The following INO80 variants were observed in gnomAD, a reference collection of about 807,000 sequenced individuals.
The protein encoded by INO80 is INO80 complex ATPase subunit.
INO80 carries 20 observed loss-of-function variants against 203.4 expected under a neutral mutation model. The observed-to-expected ratio is 0.10, with a 90% CI of 0.07 to 0.14. The LOEUF (loss-of-function observed/expected upper bound fraction) is 0.14. INO80 is among the 10% of genes least tolerant of loss of function. INO80 has a pLI of 1.00. For synonymous variants in INO80, 726 were observed against 685.2 expected (o/e 1.06, Z -0.93); for missense variants, 1,419 against 1,914.4 (o/e 0.74, Z 4.83).
Position 41,038,280 on chromosome 15 carries a change from G to C in INO80, c.2907+6624C>G, listed in dbSNP as rs183081634. 1.7e-3 allele frequency among the ~76,000 whole-genome samples: 261 copies of C among 151,994 alleles called. 1 individual carries two copies. Among genetic ancestry groups the C allele is most frequent in the Non-Finnish European group, 2.3e-3 (154 of 67,966 alleles). Reference sequence around the variant, plus strand: ...CCACCTCAGCCTCCCAAAGTGCTGGGATTACAGGCATGAGCTACTGCACCC... The same window carrying C: ...CCACCTCAGCCTCCCAAAGTGCTGGCATTACAGGCATGAGCTACTGCACCC... On this transcript the variant is annotated intron_variant, in intron 24 of 35. Transcript: ENST00000648947.
chr15:41,008,224 TACACACACAC>T lies in INO80; in HGVS notation c.3403-2547_3403-2538del, dbSNP rs71104765. Among the ~76,000 whole-genome samples, 1,389 of 148,928 alleles carry T rather than the reference TACACACACAC, an allele frequency of 9.3e-3. 19 individuals are homozygous for T. The highest frequency in any genetic ancestry group is 0.032 in the African/African-American group (1,302 of 40,278). ...ATAAAGAATATGTGATATATATACATACACACACACACACACACACACACACACACGAATA... is the reference window on the plus strand; with the variant it reads ...ATAAAGAATATGTGATATATATACATACACACACACACACACACACGAATA... On this transcript the variant is annotated intron_variant, in intron 27 of 35. Coordinates refer to ENST00000648947, the MANE Select transcript of INO80 (RefSeq NM_017553.3).
intron 14 of INO80, among the ~76,000 whole-genome samples, chr15:41,061,852 T>C (rs932652410): frequency 1.9e-4 from 29 of 152,248 alleles, no homozygotes; most frequent in Admixed American, 1.8e-3. Context: ...GTGAACTAGA[T>C]GACAAGTCAG....
intron 16 of INO80, among the ~76,000 whole-genome samples, chr15:41,057,138 A>C (rs1017175159): frequency 6.6e-6 from 1 of 152,150 alleles, no homozygotes; most frequent in African/African-American, 2.4e-5. Flanking sequence ...ATGTAAAATG[A>C]ATCTTCATTG....
intron 29 of INO80, among the ~76,000 whole-genome samples, chr15:40,994,604 A>G (rs1398196454): frequency 6.6e-6 from 1 of 151,754 alleles, no homozygotes; most frequent in African/African-American, 2.4e-5. Flanking sequence ...TGACCTTGTG[A>G]TCCGCCTGCC....
rs568705946 is a variant in INO80, at chr15:41,100,247, T to C, written c.-43-3894A>G. Among the ~76,000 whole-genome samples, 12 of 152,200 alleles carry C rather than the reference T, an allele frequency of 7.9e-5. No homozygotes were observed. The East Asian group carries it at 2.1e-3, about 27-fold the overall frequency. On this transcript the variant is annotated intron_variant, in intron 1 of 35. Coordinates refer to ENST00000648947, the MANE Select transcript of INO80 (RefSeq NM_017553.3). ...CTGCCACCACGCCAGGCTAACTTTT[T>C]GTATTTTTAGTACAGACGGGGTTTC...
intron 24 of INO80, among the ~76,000 whole-genome samples, chr15:41,037,933 ACT>A (rs2044606085): frequency 6.9e-6 from 1 of 145,660 alleles, no homozygotes; most frequent in Admixed American, 6.8e-5. Context: ...ACAGAGTAAG[ACT>A]CTGTCTCAAA....
intron 24 of INO80, among the ~76,000 whole-genome samples, chr15:41,037,083 A>G (rs1482178008): frequency 6.6e-6 from 1 of 152,172 alleles, no homozygotes; most frequent in Non-Finnish European, 1.5e-5. Context: ...AGCCTGGGTG[A>G]CAGAGCAAGA....
At chr15:40,997,483 T>C (rs749430456) in intron 29 of INO80, 46 bp downstream of exon 29, 17 of 1,253,490 alleles carry the variant, frequency 1.4e-5, no homozygotes, top group East Asian at 9.3e-5. Context: ...GTAGGTTTCA[T>C]AGTAGAAAAC....
At chr15:40,984,993 G>A (rs1048374581) in intron 32 of INO80, among the ~76,000 whole-genome samples, 1 of 152,120 alleles carries the variant, frequency 6.6e-6, no homozygotes, top group Admixed American at 6.6e-5. Context: ...TAGGTTTGTG[G>A]ATCTCATGAC....
At chr15:41,067,167 C>A (rs1033556943) in intron 14 of INO80, among the ~76,000 whole-genome samples, 2 of 152,056 alleles carry the variant, frequency 1.3e-5, no homozygotes, top group Non-Finnish European at 2.9e-5. Flanking sequence ...AACTCTGCCC[C>A]CCGGGTTCAA....
At chr15:41,096,082 A>C (rs899198369) in intron 2 of INO80, 86 bp downstream of exon 2, 1 of 1,449,434 alleles carries the variant, frequency 6.9e-7, no homozygotes, top group African/African-American at 1.4e-5. Flanking sequence ...CATAAAAATC[A>C]TAAGATACTT....
chr15:41,051,563 C>A (rs1283655902), intron 19 of INO80, among the ~76,000 whole-genome samples: 2 of 151,522 alleles, frequency 1.3e-5, no homozygotes, highest in African/African-American at 4.9e-5. Flanking sequence ...GCAATCCCAG[C>A]ACTTTGGGAG....
At chr15:41,092,464 T>C (rs546325345) in intron 4 of INO80, among the ~76,000 whole-genome samples, 2 of 151,984 alleles carry the variant, frequency 1.3e-5, no homozygotes, top group South Asian at 4.1e-4. Context: ...TACATAAATA[T>C]CATATACATA....
At chr15:41,073,541 T>C in intron 10 of INO80, 46 bp from the exon 11 acceptor site, 1 of 1,449,412 alleles carries the variant, frequency 6.9e-7, no homozygotes, top group Non-Finnish European at 9.7e-7. Context: ...CAACTGATTT[T>C]GTTCTAAGAT....
At position 41,073,432 on chromosome 15, in the gene INO80, G is replaced by T; in HGVS notation, c.1391C>A (p.Ala464Asp). Reference protein sequence around the residue: ...NAENAYHIHQARTRSFDEDAK... With the variant: ...NAENAYHIHQDRTRSFDEDAK... ...CCTTTCTATCTGAAGACTCACCCGA[G>T]CTTGGTGAATATGGTAAGCATTTTC... is the stretch of plus-strand genomic sequence containing the variant. The change falls in exon 11 of 36, where the codon GCT (alanine) becomes GAT (aspartate). Residue 464 changes from alanine (A) to aspartate (D), a missense_variant. By Grantham distance (126) the Ala-to-Asp change is moderately radical (BLOSUM62 -2). Transcript: ENST00000648947. 6.2e-7 allele frequency: 1 copy of T among 1,613,568 alleles called. No individual in the cohort carries two copies. The highest frequency in any genetic ancestry group is 8.5e-7 in the Non-Finnish European group (1 of 1,179,512).
At chr15:41,022,590 G>C (rs551908423) in intron 25 of INO80, among the ~76,000 whole-genome samples, 2 of 152,136 alleles carry the variant, frequency 1.3e-5, no homozygotes, top group Non-Finnish European at 2.9e-5. Context: ...GGGTACCAAC[G>C]TGACAGAAAG....
chr15:41,008,085 G>A (rs1372059525), intron 27 of INO80, among the ~76,000 whole-genome samples: 1 of 152,170 alleles, frequency 6.6e-6, no homozygotes, highest in Non-Finnish European at 1.5e-5. Flanking sequence ...GAGGTGGGAA[G>A]ATCATCTGAG....
At chr15:41,111,127 T>G (rs991441550) in intron 1 of INO80, among the ~76,000 whole-genome samples, 1 of 152,188 alleles carries the variant, frequency 6.6e-6, no homozygotes. Context: ...ATGTGTAATA[T>G]CAAATAAAGA....
chr15:41,025,883 A>C (rs2044368215), intron 25 of INO80, among the ~76,000 whole-genome samples: 1 of 152,204 alleles, frequency 6.6e-6, no homozygotes, highest in Non-Finnish European at 1.5e-5. Flanking sequence ...ACCATGAAAG[A>C]CTGAAGCCTG....
Sources: allele counts gnomAD v4.1 joint callset (sites outside exome capture counted in the v4.1 genomes callset), GRCh38; gene constraint gnomAD v4.1.1; transcripts MANE v1.5; gene names NCBI Gene and HGNC (gene_info 2026-07-23, HGNC 2026-07-21).